Variants in WDR70 observed in about 807,000 individuals in gnomAD.
WDR70 encodes WD repeat-containing protein 70.
In WDR70, 53 loss-of-function variants were observed where a neutral mutation model predicts 88.6. The ratio of observed to expected loss-of-function variants is 0.60; its 90% confidence interval spans 0.48 to 0.75. WDR70 has a LOEUF of 0.75. WDR70 is among the 30% of genes least tolerant of loss of function. WDR70 has a pLI of 0.00. For missense variants in WDR70, 610 were observed against 823.2 expected, an observed-to-expected ratio of 0.74 and a Z score of 3.17; for synonymous variants, 280 against 270.0, an observed-to-expected ratio of 1.04 and a Z score of -0.36.
chr5:37,447,324 TTGTACACTATTGG>T (rs1265615762), intron 7 of WDR70, among the ~76,000 whole-genome samples: 4 of 152,156 alleles, frequency 2.6e-5, no homozygotes, highest in African/African-American at 7.2e-5. Flanking sequence ...ATAGGAACAC[TTGTACACTATTGG>T]TGGGACTGTA....
At chr5:37,442,342 ATT>A (rs11324863) in intron 6 of WDR70, among the ~76,000 whole-genome samples, 319 of 143,604 alleles carry the variant, frequency 2.2e-3, no homozygotes, top group Middle Eastern at 3.6e-3. Flanking sequence ...TGGCCTGCAA[ATT>A]TTTTTTTTTT....
chr5:37,390,610 G>A (rs1442497678), intron 3 of WDR70, among the ~76,000 whole-genome samples: 1 of 151,864 alleles, frequency 6.6e-6, no homozygotes, highest in East Asian at 1.9e-4. Context: ...AAAGTGCTGG[G>A]ATTACAGGCG....
chr5:37,699,402 T>TACACAC lies in WDR70; in HGVS notation c.1193-1637_1193-1632dup, dbSNP rs70978839. On this transcript the variant is annotated intron_variant, in intron 11 of 17. Transcript: ENST00000265107. ...ATATATGTATGTGTGTATATATATA[T>TACACAC]ACACACACACACACACACACACACT... 3.5e-3 allele frequency among the ~76,000 whole-genome samples: 251 copies of TACACAC among 70,790 alleles called. 1 individual carries two copies. The highest frequency in any genetic ancestry group is 0.016 in the African/African-American group (198 of 12,696). 46.4% of individuals were successfully genotyped at this position (70,790 alleles called of 152,430 possible).
rs560629380 is a variant in WDR70, at chr5:37,523,831, A to G, written c.917+7241A>G. 3.7e-4 allele frequency among the ~76,000 whole-genome samples: 57 copies of G among 152,370 alleles called. No individual in the cohort carries two copies. In the South Asian group the frequency reaches 0.011, roughly 29 times the overall value. On this transcript the variant is annotated intron_variant, in intron 9 of 17. Transcript: ENST00000265107. ...CCATGGCAGGAGAACTATGCGACGC[A>G]TGCACAAGCTTCAATAGCTGATTCA...
chr5:37,576,637 G>A (rs78452065), intron 9 of WDR70, among the ~76,000 whole-genome samples: 6,492 of 151,962 alleles, frequency 0.043, 177 homozygotes, highest in Non-Finnish European at 0.068. Flanking sequence ...ATCAAAGAAC[G>A]CTTTCTTACC....
Position 37,427,846 on chromosome 5 carries a change from G to GCAACAAGAGTGAAACTCCGT in WDR70, c.493-10074_493-10055dup, listed in dbSNP as rs533767575. On this transcript the variant is annotated intron_variant, in intron 5 of 17. Transcript: ENST00000265107. ...ATCGTGCCACTGCACTCCAGTCTGG[G>GCAACAAGAGTGAAACTCCGT]CAACAAGAGTGAAACTCCGTCTCAT... Among the ~76,000 whole-genome samples the GCAACAAGAGTGAAACTCCGT allele has an allele frequency of 1.5e-3, 224 of 152,312 alleles. 1 individual carries two copies. The highest frequency in any genetic ancestry group is 4.7e-3 in the African/African-American group (195 of 41,554).
chr5:37,420,989 G>A (rs1044546811), intron 5 of WDR70, among the ~76,000 whole-genome samples: 7 of 152,092 alleles, frequency 4.6e-5, no homozygotes, highest in African/African-American at 1.4e-4. Flanking sequence ...AACAGTTAGC[G>A]GATCCTTCTT....
intron 9 of WDR70, among the ~76,000 whole-genome samples, chr5:37,543,286 A>G (rs1288723423): frequency 6.6e-6 from 1 of 152,172 alleles, no homozygotes; most frequent in Non-Finnish European, 1.5e-5. Flanking sequence ...AAGCTATTGA[A>G]TTTTGGGAAT....
chr5:37,394,138 G>A (rs994184149), intron 4 of WDR70, among the ~76,000 whole-genome samples: 2 of 151,882 alleles, frequency 1.3e-5, no homozygotes, highest in East Asian at 1.9e-4. Flanking sequence ...AACCCTGTCT[G>A]TACTAAAAAT....
At chr5:37,385,864 T>A (rs1481455724) in intron 3 of WDR70, among the ~76,000 whole-genome samples, 3 of 152,112 alleles carry the variant, frequency 2.0e-5, no homozygotes, top group African/African-American at 7.2e-5. Flanking sequence ...AGTGCAGTGG[T>A]GCGATCTCGA....
intron 9 of WDR70, among the ~76,000 whole-genome samples, chr5:37,548,240 G>A (rs957428812): frequency 2.0e-5 from 3 of 152,132 alleles, no homozygotes; most frequent in Admixed American, 1.3e-4. Flanking sequence ...CTCCATAGTG[G>A]TTTTATGAAT....
At chr5:37,463,209 T>G (rs1484087350) in intron 7 of WDR70, among the ~76,000 whole-genome samples, 2 of 151,968 alleles carry the variant, frequency 1.3e-5, no homozygotes, top group East Asian at 3.9e-4. Flanking sequence ...GAGGTGGTGG[T>G]TGCAGTGAGC....
chr5:37,385,970 A>ATTT (rs35515826), intron 3 of WDR70, among the ~76,000 whole-genome samples: 1 of 139,590 alleles, frequency 7.2e-6, no homozygotes. Flanking sequence ...TGCCTGGCTA[A>ATTT]TTTTTTTTTT....
At chr5:37,676,791 A>T in intron 10 of WDR70, among the ~76,000 whole-genome samples, 1 of 151,590 alleles carries the variant, frequency 6.6e-6, no homozygotes. Flanking sequence ...ATTGATTGGA[A>T]TAGTTTCAGA....
chr5:37,538,311 A>C lies in WDR70; in HGVS notation c.917+21721A>C, dbSNP rs1741723221. Among the ~76,000 whole-genome samples the C allele has an allele frequency of 2.6e-5, 4 of 151,486 alleles. No homozygotes were observed. The South Asian group carries it at 8.4e-4, about 32-fold the overall frequency. On this transcript the variant is annotated intron_variant, in intron 9 of 17. Transcript: ENST00000265107. ...CATGGTGTAGATAGCCTCTGGATAAAAGTTTATTCATCTCAACACCTCTTG... is the reference window on the plus strand; with the variant it reads ...CATGGTGTAGATAGCCTCTGGATAACAGTTTATTCATCTCAACACCTCTTG...
intron 9 of WDR70, among the ~76,000 whole-genome samples, chr5:37,554,331 C>T (rs1742235505): frequency 6.6e-6 from 1 of 152,020 alleles, no homozygotes; most frequent in Admixed American, 6.6e-5. Flanking sequence ...ATGTGCTGGC[C>T]TACTGTCTTA....
intron 8 of WDR70, among the ~76,000 whole-genome samples, chr5:37,499,590 TCTCTCTCTCTCTCTC>T (rs1740338102): frequency 2.7e-4 from 36 of 134,566 alleles, no homozygotes; most frequent in East Asian, 6.5e-4. Flanking sequence ...GGAAATATTC[TCTCTCTCTCTCTCTC>T]TCTCTCTCTC....
chr5:37,701,572 G>A (rs952303890), intron 12 of WDR70, among the ~76,000 whole-genome samples: 3 of 151,998 alleles, frequency 2.0e-5, no homozygotes, highest in Non-Finnish European at 4.4e-5. Context: ...GGCAGATCAC[G>A]AGGTCAGGAG....
chr5:37,395,754 T>A (rs183827089), intron 4 of WDR70, among the ~76,000 whole-genome samples: 86 of 152,314 alleles, frequency 5.6e-4, no homozygotes, highest in Admixed American at 1.3e-3. Flanking sequence ...TAGTTTTTCT[T>A]CTGTATTTCC....
Sources: allele counts gnomAD v4.1 joint callset (sites outside exome capture counted in the v4.1 genomes callset), GRCh38; gene constraint gnomAD v4.1.1; transcripts MANE v1.5; gene names NCBI Gene and HGNC (gene_info 2026-07-23, HGNC 2026-07-21).